Variants in ELOVL6 observed in about 807,000 individuals in gnomAD.
ELOVL6 encodes very long chain fatty acid elongase 6.
ELOVL6 carries 8 observed loss-of-function variants against 31.7 expected under a neutral mutation model. That is an observed-to-expected ratio of 0.25 (90% CI 0.15 to 0.45). ELOVL6 has a LOEUF of 0.45. Among genes scored for constraint, ELOVL6 ranks in the 20% least tolerant of loss-of-function variants. The probability of loss-of-function intolerance (pLI) is 1.00; values close to 1 mark genes in which losing one functional copy is unlikely to be tolerated. For synonymous variants in ELOVL6, 101 were observed against 117.7 expected (o/e 0.86, Z 0.92); for missense variants, 126 against 326.4 (o/e 0.39, Z 4.73).
At chr4:110,183,937 G>A (rs1018016637) in intron 1 of ELOVL6, among the ~76,000 whole-genome samples, 1 of 152,096 alleles carries the variant, frequency 6.6e-6, no homozygotes, top group African/African-American at 2.4e-5. Flanking sequence ...AGCTGAGATC[G>A]TACCACTGTA....
intron 1 of ELOVL6, among the ~76,000 whole-genome samples, chr4:110,160,801 T>A (rs1279259060): frequency 6.6e-6 from 1 of 152,192 alleles, no homozygotes; most frequent in Admixed American, 6.5e-5. Context: ...AGAGATATGA[T>A]CATGCAACAA....
rs75778350 is a variant in ELOVL6 at position 110,083,731 on chromosome 4, T to G, written c.221+21766A>C. 3.6e-3 allele frequency among the ~76,000 whole-genome samples: 547 copies of G among 150,888 alleles called. 20 individuals are homozygous for G. Among genetic ancestry groups the G allele is most frequent in the African/African-American group, 0.013 (525 of 40,702 alleles). On this transcript the variant is annotated intron_variant, in intron 2 of 3. Transcript: ENST00000302274. ...TATTATTATAAAAGTAGTCAGGCAC[T>G]TAAAAATATATTGTGTCCCGCATTT...
At chr4:110,143,387 G>A (rs370609453) in intron 1 of ELOVL6, among the ~76,000 whole-genome samples, 10 of 151,738 alleles carry the variant, frequency 6.6e-5, no homozygotes, top group East Asian at 3.9e-4. Context: ...TTTCAATGGC[G>A]CTCCTGCATC....
chr4:110,192,138 C>T (rs183162003), intron 1 of ELOVL6, among the ~76,000 whole-genome samples: 4 of 147,778 alleles, frequency 2.7e-5, no homozygotes, highest in Admixed American at 6.9e-5. Context: ...TGCAGTAAGC[C>T]GAGATGGAAC....
At chr4:110,084,588 A>ATATT (rs1553956261) in intron 2 of ELOVL6, among the ~76,000 whole-genome samples, 53 of 29,642 alleles carry the variant, frequency 1.8e-3, no homozygotes, top group African/African-American at 2.0e-3. Flanking sequence ...ATATATATAT[A>ATATT]TTTTTTTTTT....
At chr4:110,072,399 T>G (rs71603055) in intron 2 of ELOVL6, among the ~76,000 whole-genome samples, 2,951 of 152,246 alleles carry the variant, frequency 0.019, 37 homozygotes, top group Non-Finnish European at 0.028. Context: ...TAGCTTGAAC[T>G]AGGGAGTCAG....
intron 3 of ELOVL6, among the ~76,000 whole-genome samples, chr4:110,055,982 G>A (rs746735503): frequency 2.6e-5 from 4 of 152,108 alleles, no homozygotes; most frequent in Non-Finnish European, 5.9e-5. Context: ...AGTGAAGGGG[G>A]AGTTAGTGTG....
intron 3 of ELOVL6, among the ~76,000 whole-genome samples, chr4:110,056,475 G>A (rs1754990065): frequency 6.6e-6 from 1 of 151,892 alleles, no homozygotes; most frequent in African/African-American, 2.4e-5. Context: ...GTTTACCTCT[G>A]AATGGCCATT....
chr4:110,097,033 C>T (rs1756597980), intron 2 of ELOVL6, among the ~76,000 whole-genome samples: 1 of 151,986 alleles, frequency 6.6e-6, no homozygotes, highest in Non-Finnish European at 1.5e-5. Context: ...CATGGCTGGG[C>T]GCAGTGGCTC....
intron 2 of ELOVL6, among the ~76,000 whole-genome samples, chr4:110,083,109 A>G (rs553928462): frequency 2.0e-5 from 3 of 151,812 alleles, no homozygotes; most frequent in Admixed American, 2.0e-4. Context: ...TGCCGACTAC[A>G]TACTAGGTTC....
intron 2 of ELOVL6, among the ~76,000 whole-genome samples, chr4:110,074,242 C>T (rs1755568934): frequency 6.6e-6 from 1 of 152,188 alleles, no homozygotes; most frequent in East Asian, 1.9e-4. Context: ...TTTAAAACAT[C>T]TCCAGGATTA....
chr4:110,131,769 C>G (rs778569051), intron 1 of ELOVL6, among the ~76,000 whole-genome samples: 6 of 152,178 alleles, frequency 3.9e-5, no homozygotes, highest in Non-Finnish European at 7.3e-5. Context: ...AAACACTGGT[C>G]TAGACAGTTC....
At chr4:110,131,492 C>T (rs534568637) in intron 1 of ELOVL6, among the ~76,000 whole-genome samples, 4 of 152,164 alleles carry the variant, frequency 2.6e-5, no homozygotes, top group South Asian at 2.1e-4. Flanking sequence ...AAAACATGAA[C>T]GAGGGCTCCA....
chr4:110,065,584 A>G (rs969389553), intron 2 of ELOVL6, among the ~76,000 whole-genome samples: 2 of 152,196 alleles, frequency 1.3e-5, no homozygotes, highest in Non-Finnish European at 2.9e-5. Context: ...TAATTGTGCC[A>G]CTGCACTCCA....
In ELOVL6 at chr4:110,138,942, A is replaced by G. The variant is rs1485383602; in HGVS notation, c.90-33314T>C. Among the ~76,000 whole-genome samples, 4 of 152,302 alleles carry G rather than the reference A, an allele frequency of 2.6e-5. No homozygotes were observed. The East Asian group carries it at 7.7e-4, about 29-fold the overall frequency. The stretch of plus-strand genomic sequence containing the variant: ...ATGAAGATCTGCATGAAGTAAAATT[A>G]TTATATATAATTTTAGGTATTGATA... On this transcript the variant is annotated intron_variant, in intron 1 of 3. Transcript: ENST00000302274.
chr4:110,163,396 T>C (rs1313778202), intron 1 of ELOVL6, among the ~76,000 whole-genome samples: 1 of 152,254 alleles, frequency 6.6e-6, no homozygotes, highest in Non-Finnish European at 1.5e-5. Context: ...ATTTTGTCTA[T>C]ATACTTGTTT....
intron 2 of ELOVL6, among the ~76,000 whole-genome samples, chr4:110,095,936 A>G (rs57076108): frequency 0.15 from 22,235 of 152,230 alleles, 1,744 homozygotes; most frequent in African/African-American, 0.2. Context: ...ATAAACTTCA[A>G]TGAATAAAGG....
chr4:110,129,962 A>G (rs1029688754), intron 1 of ELOVL6, among the ~76,000 whole-genome samples: 2 of 128,442 alleles, frequency 1.6e-5, no homozygotes, highest in African/African-American at 6.2e-5. Flanking sequence ...GCAGTAATGG[A>G]TCTTGACTCA....
At chr4:110,193,382 ATTAC>A (rs1225481314) in intron 1 of ELOVL6, among the ~76,000 whole-genome samples, 1 of 152,126 alleles carries the variant, frequency 6.6e-6, no homozygotes, top group Non-Finnish European at 1.5e-5. Flanking sequence ...AGGTGGGCGG[ATTAC>A]TTGAGGTCAG....
Sources: allele counts gnomAD v4.1 joint callset (sites outside exome capture counted in the v4.1 genomes callset), GRCh38; gene constraint gnomAD v4.1.1; transcripts MANE v1.5; gene names NCBI Gene and HGNC (gene_info 2026-07-23, HGNC 2026-07-21).